ZNF462: variants seen among roughly 807,000 people sequenced by gnomAD.
ZNF462 encodes zinc finger PBX1-interacting protein.
In ZNF462, 10 loss-of-function variants were observed where a neutral mutation model predicts 201.9. The observed-to-expected ratio is 0.05, with a 90% CI of 0.03 to 0.08. ZNF462 has a LOEUF of 0.08. Among genes scored for constraint, ZNF462 ranks in the 10% least tolerant of loss-of-function variants. ZNF462 has a pLI of 1.00. For missense variants in ZNF462, 2,523 were observed against 3,168.3 expected, an observed-to-expected ratio of 0.80 and a Z score of 4.89; for synonymous variants, 1,227 against 1,193.3, an observed-to-expected ratio of 1.03 and a Z score of -0.58.
At chr9:106,873,307 A>G (rs921770348) in intron 1 of ZNF462, among the ~76,000 whole-genome samples, 1 of 152,208 alleles carries the variant, frequency 6.6e-6, no homozygotes, top group Non-Finnish European at 1.5e-5. Flanking sequence ...AGGGAAAAAA[A>G]GCAAGACACC....
intron 10 of ZNF462, among the ~76,000 whole-genome samples, chr9:106,996,420 A>G (rs1160230720): frequency 2.6e-5 from 4 of 152,206 alleles, no homozygotes; most frequent in African/African-American, 9.6e-5. Flanking sequence ...AGTAGTTTAC[A>G]GTCCCACCAA....
chr9:106,877,381 T>C (rs1827881048), intron 1 of ZNF462, among the ~76,000 whole-genome samples: 1 of 150,928 alleles, frequency 6.6e-6, no homozygotes, highest in Non-Finnish European at 1.5e-5. Context: ...GTTATTATTA[T>C]TATTATCATT....
Position 106,981,383 on chromosome 9 carries a change from C to T in ZNF462, c.6833-2803C>T, listed in dbSNP as rs1212199564. The stretch of plus-strand genomic sequence containing the variant: ...TTATCAGGGGTCCAAGAGGAGGGCC[C>T]TGGCAGAGATCAGAAGACCTGTGTT... On this transcript the variant is annotated intron_variant, in intron 9 of 12. Coordinates refer to ENST00000277225, the MANE Select transcript of ZNF462 (RefSeq NM_021224.6). The surrounding 1 kb of genome is among the most constrained non-coding windows in gnomAD (Gnocchi z 4.0). Among the ~76,000 whole-genome samples, 4 of 152,200 alleles carry T rather than the reference C, an allele frequency of 2.6e-5. No individual in the cohort carries two copies. In the East Asian group the frequency reaches 7.7e-4, roughly 29 times the overall value.
rs182129275 is a variant in ZNF462, at chr9:106,970,482, G to A, written c.6428-1523G>A. On this transcript the variant is annotated intron_variant, in intron 7 of 12. Coordinates refer to ENST00000277225, the MANE Select transcript of ZNF462 (RefSeq NM_021224.6). The surrounding 1 kb of genome is among the most constrained non-coding windows in gnomAD (Gnocchi z 4.2). ...ATGGTGCTGGTTTCATCAAATATGG[G>A]TTTTAGAGAATTCCTCCATGTCCTG... 5.1e-4 allele frequency among the ~76,000 whole-genome samples: 78 copies of A among 152,256 alleles called. 1 individual carries two copies. Among genetic ancestry groups the A allele is most frequent in the African/African-American group, 1.7e-3 (69 of 41,540 alleles).
intron 7 of ZNF462, among the ~76,000 whole-genome samples, chr9:106,949,105 G>T (rs995907722): frequency 6.6e-6 from 1 of 152,192 alleles, no homozygotes; most frequent in Non-Finnish European, 1.5e-5. Flanking sequence ...TAATGGGCTA[G>T]AAATAAGACT....
chr9:106,947,954 T>C (rs901807767), intron 7 of ZNF462, among the ~76,000 whole-genome samples: 1 of 152,220 alleles, frequency 6.6e-6, no homozygotes, highest in Non-Finnish European at 1.5e-5. Context: ...ACAGATAATA[T>C]TAAGTTAAAA....
rs765423433 is a variant in ZNF462, at chr9:106,929,778, T to A, written c.5847+19T>A. The stretch of plus-strand genomic sequence containing the variant: ...AGAGAGGGTAAGGATATGTTTTGAT[T>A]TCCCTTCCCCCAGGAGGCCTCTCAT... On this transcript the variant is annotated intron_variant, in intron 3 of 12. Transcript: ENST00000277225. This position sits in a 1 kb window ranked among gnomAD's most constrained non-coding sequence, Gnocchi z 8.7. 6.3e-7 allele frequency: 1 copy of A among 1,588,316 alleles called. No homozygotes were observed. Among genetic ancestry groups the A allele is most frequent in the Non-Finnish European group, 8.6e-7 (1 of 1,166,270 alleles).
rs553320438 is a variant in ZNF462 at position 106,996,036 on chromosome 9, A to G, written c.7057-7258A>G. Among the ~76,000 whole-genome samples, 7 of 152,180 alleles carry G rather than the reference A, an allele frequency of 4.6e-5. No homozygotes were observed. In the South Asian group the frequency reaches 1.0e-3, roughly 23 times the overall value. ...TGTGTCCAAGTGGTCTCATTGTTCA[A>G]TTCCCACCTATGAGTGAGAACATGC... is the stretch of plus-strand genomic sequence containing the variant. On this transcript the variant is annotated intron_variant, in intron 10 of 12. Coordinates refer to ENST00000277225, the MANE Select transcript of ZNF462 (RefSeq NM_021224.6).
rs1831948508 is a variant in ZNF462 at position 106,963,811 on chromosome 9, A to T, written c.6428-8194A>T. Among the ~76,000 whole-genome samples the T allele has an allele frequency of 6.6e-6, 1 of 152,030 alleles. No homozygotes were observed. Among genetic ancestry groups the T allele is most frequent in the Non-Finnish European group, 1.5e-5 (1 of 67,958 alleles). ...AGAACTCTTTCATCTTACACGACTGAAACTCTATATCCATAGAACAACAAC... is the reference window on the plus strand; with the variant it reads ...AGAACTCTTTCATCTTACACGACTGTAACTCTATATCCATAGAACAACAAC... On this transcript the variant is annotated intron_variant, in intron 7 of 12. Transcript: ENST00000277225. The surrounding 1 kb of genome is among the most constrained non-coding windows in gnomAD (Gnocchi z 4.7).
At chr9:106,937,894 T>G (rs1167371896) in intron 6 of ZNF462, among the ~76,000 whole-genome samples, 1 of 152,186 alleles carries the variant, frequency 6.6e-6, no homozygotes, top group African/African-American at 2.4e-5. Flanking sequence ...TAAGTAAAAC[T>G]TTATATTTAT....
At chr9:106,994,413 A>G (rs1828531646) in intron 10 of ZNF462, among the ~76,000 whole-genome samples, 1 of 152,146 alleles carries the variant, frequency 6.6e-6, no homozygotes, top group African/African-American at 2.4e-5. Context: ...AATGAGAAAT[A>G]AACGAAGAAT....
intron 1 of ZNF462, among the ~76,000 whole-genome samples, chr9:106,867,648 C>G (rs1319185322): frequency 6.6e-6 from 1 of 151,332 alleles, no homozygotes; most frequent in Non-Finnish European, 1.5e-5. Context: ...AAAAATCCAA[C>G]TCTACTAATG....
Position 107,009,779 on chromosome 9 carries a change from T to A in ZNF462, c.7313+111T>A. ...GTATGTACACCCCTCTGTGTCACAT[T>A]TCTGGGCCGTGGGAGGAGAGGCAAT... On this transcript the variant is annotated intron_variant, in intron 12 of 12. Transcript: ENST00000277225. This position sits in a 1 kb window ranked among gnomAD's most constrained non-coding sequence, Gnocchi z 6.1. 1.4e-6 allele frequency: 2 copies of A among 1,474,096 alleles called. No individual in the cohort carries two copies. The highest frequency in any genetic ancestry group is 1.4e-5 in the African/African-American group (1 of 72,012). 91.3% of individuals were successfully genotyped at this position (1,474,096 alleles called of 1,614,324 possible).
In ZNF462 at chr9:106,926,787, T is replaced by C; in HGVS notation, c.2875T>C (p.Phe959Leu). ...PTVKINNAMIFSSYVVEQQEG... is the reference protein window; with the variant it reads ...PTVKINNAMILSSYVVEQQEG... ...GGTGAAGATCAACAACGCGATGATA[T>C]TTTCAAGCTATGTCGTGGAGCAGCA... Residue 959 changes from phenylalanine to leucine, a missense_variant, in exon 3 of 13, where the codon TTT becomes CTT. By Grantham distance (22) the Phe-to-Leu change is conservative. Transcript: ENST00000277225. This position sits in a 1 kb window ranked among gnomAD's most constrained non-coding sequence, Gnocchi z 7.9. The C allele has an allele frequency of 1.2e-6, 2 of 1,614,130 alleles. No individual in the cohort carries two copies. The highest frequency in any genetic ancestry group is 2.2e-5 in the East Asian group (1 of 44,882).
At chr9:106,908,928 TATATATATATATA>T (rs1339979966) in intron 1 of ZNF462, among the ~76,000 whole-genome samples, 27 of 38,422 alleles carry the variant, frequency 7.0e-4, no homozygotes, top group African/African-American at 2.5e-3. Context: ...TATATATATA[TATATATATATATA>T]TTTTTTTTTT....
Position 106,923,564 on chromosome 9 carries a change from T to C in ZNF462, c.181T>C (p.Ser61Pro). The change falls in exon 2 of 13, where the codon TCT (serine) becomes CCT (proline). Residue 61 changes from serine to proline, a missense_variant. Physicochemically the swap from Ser to Pro is moderately conservative, Grantham distance 74 (BLOSUM62 -1). Coordinates refer to ENST00000277225, the MANE Select transcript of ZNF462 (RefSeq NM_021224.6). The surrounding 1 kb of genome is among the most constrained non-coding windows in gnomAD (Gnocchi z 5.6). ...TAATCAGACAGAGGTGGAGTTTTCT[T>C]CTATAAAGGATGAATTTGCCATTGC... ...ASNQTEVEFS[S>P]IKDEFAIAED... The C allele has an allele frequency of 1.2e-6, 2 of 1,614,222 alleles. No individual in the cohort carries two copies. The highest frequency in any genetic ancestry group is 2.2e-5 in the South Asian group (2 of 91,078).
rs1487823102 is a variant in ZNF462, at chr9:106,920,537, A to G, written c.-30-2817A>G. Among the ~76,000 whole-genome samples, 1 of 152,198 alleles carries G rather than the reference A, an allele frequency of 6.6e-6. No homozygotes were observed. Among genetic ancestry groups the G allele is most frequent in the Non-Finnish European group, 1.5e-5 (1 of 68,036 alleles). ...GAGATTAACCTCTTCTAAGGCTCTGAGCTATTTTTGAGGCAGAGGCTGCAA... is the reference window on the plus strand; with the variant it reads ...GAGATTAACCTCTTCTAAGGCTCTGGGCTATTTTTGAGGCAGAGGCTGCAA... On this transcript the variant is annotated intron_variant, in intron 1 of 12. Coordinates refer to ENST00000277225, the MANE Select transcript of ZNF462 (RefSeq NM_021224.6). This position sits in a 1 kb window ranked among gnomAD's most constrained non-coding sequence, Gnocchi z 4.3.
At position 106,966,091 on chromosome 9, in the gene ZNF462, T is replaced by A. The variant is rs1004186081; in HGVS notation, c.6428-5914T>A. 6.6e-6 allele frequency among the ~76,000 whole-genome samples: 1 copy of A among 152,106 alleles called. No individual in the cohort carries two copies. The highest frequency in any genetic ancestry group is 2.4e-5 in the African/African-American group (1 of 41,436). On this transcript the variant is annotated intron_variant, in intron 7 of 12. Transcript: ENST00000277225. This position sits in a 1 kb window ranked among gnomAD's most constrained non-coding sequence, Gnocchi z 4.4. ...ATCTTAAGTTATCCACAGATAATAT[T>A]CTGTTTCTAATGGCCCATGCTACCA...
rs534607460 is a variant in ZNF462, at chr9:106,911,683, G to A, written c.-30-11671G>A. 3.2e-4 allele frequency among the ~76,000 whole-genome samples: 49 copies of A among 152,288 alleles called. No homozygotes were observed. In the South Asian group the frequency reaches 6.4e-3, roughly 20 times the overall value. ...AAAGTGTTCTACATGGAGGAAAACCGTGAACAAACATAGAGATCTCAACAT... is the reference window on the plus strand; with the variant it reads ...AAAGTGTTCTACATGGAGGAAAACCATGAACAAACATAGAGATCTCAACAT... On this transcript the variant is annotated intron_variant, in intron 1 of 12. Coordinates refer to ENST00000277225, the MANE Select transcript of ZNF462 (RefSeq NM_021224.6).
Sources: gnomAD v4.1 joint callset for allele counts (sites outside exome capture counted in the v4.1 genomes callset) on GRCh38, gnomAD v4.1.1 for gene constraint, Gnocchi (gnomAD v3.1) non-coding constraint, MANE v1.5 for transcripts, NCBI Gene and HGNC (gene_info 2026-07-23, HGNC 2026-07-21) for gene names.